Variants in SUGCT observed in about 807,000 individuals in gnomAD.
The protein encoded by SUGCT is succinyl-CoA:glutarate-CoA transferase.
A neutral mutation model predicts 55.0 loss-of-function variants in SUGCT; 41 were observed. The ratio of observed to expected loss-of-function variants is 0.74; its 90% CI spans 0.58 to 0.97. The LOEUF is 0.97. Ranked by LOEUF, SUGCT falls within the 50% of genes least tolerant of loss-of-function variation. The pLI, the probability that SUGCT is intolerant of heterozygous loss-of-function variation, is 0.00. For missense variants in SUGCT, 568 were observed against 547.8 expected, an observed-to-expected ratio of 1.04 and a Z score of -0.37; for synonymous variants, 187 against 200.4, an observed-to-expected ratio of 0.93 and a Z score of 0.56.
At chr7:40,817,844 T>C (rs942921484) in intron 13 of SUGCT, among the ~76,000 whole-genome samples, 2 of 152,160 alleles carry the variant, frequency 1.3e-5, no homozygotes, top group African/African-American at 4.8e-5. Flanking sequence ...GGAAGAGTTG[T>C]ATTACATAAG....
At chr7:40,502,603 A>G (rs1487992824) in intron 12 of SUGCT, among the ~76,000 whole-genome samples, 1 of 152,070 alleles carries the variant, frequency 6.6e-6, no homozygotes, top group African/African-American at 2.4e-5. Context: ...GAGAACATTA[A>G]TGAAACATTT....
At chr7:40,441,928 G>T (rs904258225) in intron 9 of SUGCT, among the ~76,000 whole-genome samples, 5 of 152,088 alleles carry the variant, frequency 3.3e-5, no homozygotes, top group African/African-American at 7.2e-5. Context: ...GAGTTTCTGG[G>T]TGGGGGGTCT....
rs1015260157 is a variant in SUGCT, at chr7:40,141,361, G to A, written c.100+6241G>A. On this transcript the variant is annotated intron_variant, in intron 1 of 13. Transcript: ENST00000335693. ...TGAGAGTGTGCTTCTTGGGCCAGGCGCGGTGGCTCATGGTTGTACTCCCAG... is the reference window on the plus strand; with the variant it reads ...TGAGAGTGTGCTTCTTGGGCCAGGCACGGTGGCTCATGGTTGTACTCCCAG... Among the ~76,000 whole-genome samples, 6 of 151,824 alleles carry A rather than the reference G, an allele frequency of 4.0e-5. 1 individual carries two copies. Among genetic ancestry groups the A allele is most frequent in the African/African-American group, 1.2e-4 (5 of 41,356 alleles).
At chr7:40,713,586 C>G (rs1036823200) in intron 12 of SUGCT, among the ~76,000 whole-genome samples, 1 of 152,150 alleles carries the variant, frequency 6.6e-6, no homozygotes, top group South Asian at 2.1e-4. Context: ...CAAGTCCTAC[C>G]AAGGCATTCT....
the SUGCT span, among the ~76,000 whole-genome samples, chr7:40,998,727 G>A: frequency 6.6e-6 from 1 of 152,152 alleles, no homozygotes; most frequent in Admixed American, 6.5e-5. Flanking sequence ...ATTAGGAAAG[G>A]TTGCTCTACA....
At chr7:40,215,595 GCTCATGC>G (rs1230789693) in intron 6 of SUGCT, among the ~76,000 whole-genome samples, 1 of 152,154 alleles carries the variant, frequency 6.6e-6, no homozygotes, top group African/African-American at 2.4e-5. Context: ...GGGCATGGTG[GCTCATGC>G]CTGTAATCCC....
At chr7:40,339,649 C>T (rs1165102340) in intron 9 of SUGCT, among the ~76,000 whole-genome samples, 1 of 152,196 alleles carries the variant, frequency 6.6e-6, no homozygotes, top group Non-Finnish European at 1.5e-5. Flanking sequence ...TCTGTCACAG[C>T]TTCGCTTGGC....
chr7:40,862,657 A>C (rs1037614658), downstream of SUGCT, among the ~76,000 whole-genome samples: 2 of 151,290 alleles, frequency 1.3e-5, no homozygotes, highest in Admixed American at 6.6e-5. Flanking sequence ...GGCTTAGAAA[A>C]TTTTCTGAAA....
chr7:40,197,796 G>C (rs1786371671), intron 6 of SUGCT, among the ~76,000 whole-genome samples: 1 of 152,174 alleles, frequency 6.6e-6, no homozygotes, highest in Non-Finnish European at 1.5e-5. Context: ...CGAGCAGGAT[G>C]ACAATTGAGA....
the SUGCT span, among the ~76,000 whole-genome samples, chr7:40,947,834 A>G: frequency 5.3e-5 from 8 of 152,208 alleles, no homozygotes; most frequent in Non-Finnish European, 1.2e-4. Context: ...GGATATCTTC[A>G]ATGCTCAAGC....
intron 13 of SUGCT, among the ~76,000 whole-genome samples, chr7:40,773,488 A>T (rs1018796912): frequency 2.0e-5 from 3 of 152,146 alleles, no homozygotes; most frequent in African/African-American, 7.2e-5. Flanking sequence ...TCTTTCTCAC[A>T]TACGATTTGT....
intron 9 of SUGCT, among the ~76,000 whole-genome samples, chr7:40,345,491 T>C (rs1797263656): frequency 6.6e-6 from 1 of 152,222 alleles, no homozygotes; most frequent in Non-Finnish European, 1.5e-5. Context: ...TTTTTATGAA[T>C]TTCATTTTTA....
chr7:40,732,256 T>A (rs1406082957), intron 12 of SUGCT, among the ~76,000 whole-genome samples: 1 of 152,198 alleles, frequency 6.6e-6, no homozygotes, highest in Non-Finnish European at 1.5e-5. Context: ...CTGGTGACAT[T>A]GCTGCTTCCC....
chr7:40,455,411 G>T (rs113084996), intron 10 of SUGCT, among the ~76,000 whole-genome samples: 2,672 of 152,206 alleles, frequency 0.018, 34 homozygotes, highest in Middle Eastern at 0.041. Flanking sequence ...AGAAAAAAAT[G>T]ACCCAACTCT....
At chr7:40,849,777 T>C (rs1793758059) in intron 13 of SUGCT, among the ~76,000 whole-genome samples, 1 of 151,984 alleles carries the variant, frequency 6.6e-6, no homozygotes, top group South Asian at 2.1e-4. Context: ...CAGAGCTAGC[T>C]TGAGGGATTC....
chr7:40,455,249 A>C (rs1021158040), intron 10 of SUGCT, among the ~76,000 whole-genome samples: 1 of 152,214 alleles, frequency 6.6e-6, no homozygotes, highest in Non-Finnish European at 1.5e-5. Flanking sequence ...AGCCAAAATC[A>C]AAATAGGTAA....
chr7:40,905,290 T>A, the SUGCT span, among the ~76,000 whole-genome samples: 3 of 152,102 alleles, frequency 2.0e-5, no homozygotes, highest in Non-Finnish European at 4.4e-5. Flanking sequence ...ATCTTAAGAG[T>A]GATTTTCTCA....
intron 7 of SUGCT, among the ~76,000 whole-genome samples, chr7:40,268,477 T>C (rs1791761400): frequency 6.6e-6 from 1 of 152,210 alleles, no homozygotes; most frequent in South Asian, 2.1e-4. Context: ...ATTAGTAGAA[T>C]AGTTTCTTTT....
At chr7:40,540,411 C>CA (rs1794609487) in intron 12 of SUGCT, among the ~76,000 whole-genome samples, 1 of 152,210 alleles carries the variant, frequency 6.6e-6, no homozygotes, top group Admixed American at 6.5e-5. Context: ...TGCCCAAGTC[C>CA]AAAACCCTTA....
Sources: allele counts gnomAD v4.1 joint callset (sites outside exome capture counted in the v4.1 genomes callset), GRCh38; gene constraint gnomAD v4.1.1; transcripts MANE v1.5; gene names NCBI Gene and HGNC (gene_info 2026-07-23, HGNC 2026-07-21).